Variants in MAD1L1 observed in about 807,000 individuals in gnomAD.
MAD1L1 encodes the protein mitotic spindle assembly checkpoint protein MAD1.
Under a neutral mutation model 96.9 loss-of-function variants are expected in MAD1L1, and 95 were observed. The observed-to-expected ratio is 0.98, with a 90% CI of 0.83 to 1.16. MAD1L1 has a LOEUF of 1.16. Ranked by LOEUF, MAD1L1 falls within the 50% of genes most tolerant of loss-of-function variation. MAD1L1 has a pLI of 0.00. For synonymous variants in MAD1L1, 473 were observed against 396.6 expected, an observed-to-expected ratio of 1.19 and a Z score of -2.29; for missense variants, 1,007 against 954.4, an observed-to-expected ratio of 1.06 and a Z score of -0.73.
At chr7:1,953,678 G>A (rs1036510113) in intron 16 of MAD1L1, among the ~76,000 whole-genome samples, 1 of 152,270 alleles carries the variant, frequency 6.6e-6, no homozygotes, top group Non-Finnish European at 1.5e-5. Context: ...GCCCCGCGGC[G>A]GAACATCCGT....
At chr7:2,217,130 C>A (rs1207746786) in intron 7 of MAD1L1, among the ~76,000 whole-genome samples, 1 of 152,218 alleles carries the variant, frequency 6.6e-6, no homozygotes, top group Admixed American at 6.5e-5. Context: ...CCACTTCTGC[C>A]ACTCTAGCAG....
chr7:1,907,401 C>T (rs1787728657), intron 17 of MAD1L1, among the ~76,000 whole-genome samples: 1 of 152,250 alleles, frequency 6.6e-6, no homozygotes, highest in African/African-American at 2.4e-5. Flanking sequence ...TCTTTCTAAA[C>T]AATGAATCAA....
rs1229754927 is a variant in MAD1L1 at position 1,940,485 on chromosome 7, A to C, written c.1597-3588T>G. 2.0e-5 allele frequency: 3 copies of C among 152,234 alleles called. No individual in the cohort carries two copies. In the East Asian group the frequency reaches 5.8e-4, roughly 29 times the overall value. The allele number at this position is 152,234 out of a possible 1,614,324, so 9.4% of individuals were successfully genotyped here. On this transcript the variant is annotated intron_variant, in intron 16 of 18. Coordinates refer to ENST00000265854, the MANE Select transcript of MAD1L1 (RefSeq NM_001013836.2). Reference sequence around the variant, plus strand: ...TCAGGAGACCCCTCTGACGGGCGGCACTGGCTTTCCGGGGCCTCTGTGGGC... The same window carrying C: ...TCAGGAGACCCCTCTGACGGGCGGCCCTGGCTTTCCGGGGCCTCTGTGGGC...
At chr7:1,857,148 A>G (rs556846369) in intron 18 of MAD1L1, among the ~76,000 whole-genome samples, 1 of 152,200 alleles carries the variant, frequency 6.6e-6, no homozygotes, top group Non-Finnish European at 1.5e-5. Context: ...CACCAACAGC[A>G]GCCAGAGCCA....
chr7:2,054,856 G>C (rs146660525), intron 12 of MAD1L1, among the ~76,000 whole-genome samples: 1 of 152,228 alleles, frequency 6.6e-6, no homozygotes, highest in Non-Finnish European at 1.5e-5. Context: ...CGGCTGGGCC[G>C]TGCCCTCGCA....
intron 18 of MAD1L1, among the ~76,000 whole-genome samples, chr7:1,886,877 G>C (rs1339166433): frequency 6.6e-6 from 1 of 152,266 alleles, no homozygotes; most frequent in Non-Finnish European, 1.5e-5. Flanking sequence ...CAGCTCCCTG[G>C]GGACAGTTGG....
intron 18 of MAD1L1, among the ~76,000 whole-genome samples, chr7:1,843,072 C>CG (rs1455788883): frequency 3.3e-5 from 5 of 152,180 alleles, no homozygotes; most frequent in Non-Finnish European, 5.9e-5. Flanking sequence ...ATCTGGAGGA[C>CG]GGGGGCTAGA....
At chr7:2,033,350 A>G (rs1485785638) in intron 12 of MAD1L1, among the ~76,000 whole-genome samples, 2 of 152,194 alleles carry the variant, frequency 1.3e-5, no homozygotes, top group Non-Finnish European at 2.9e-5. Context: ...AAAGGAAACA[A>G]GATGGATACT....
At chr7:1,859,760 C>T (rs1195814128) in intron 18 of MAD1L1, among the ~76,000 whole-genome samples, 2 of 152,058 alleles carry the variant, frequency 1.3e-5, no homozygotes, top group African/African-American at 4.8e-5. Flanking sequence ...CCTCTGTTCC[C>T]TAGACCTGAC....
At chr7:1,922,063 C>T (rs1788824732) in intron 17 of MAD1L1, among the ~76,000 whole-genome samples, 1 of 152,216 alleles carries the variant, frequency 6.6e-6, no homozygotes, top group South Asian at 2.1e-4. Context: ...CCCTGTCTCT[C>T]CCTGAGGCAG....
chr7:2,070,016 C>G (rs370204563), intron 11 of MAD1L1, among the ~76,000 whole-genome samples: 1 of 151,972 alleles, frequency 6.6e-6, no homozygotes, highest in East Asian at 1.9e-4. Context: ...CACTAGACCC[C>G]TCTGCCACTG....
chr7:2,104,400 A>G (rs535635125), intron 11 of MAD1L1, among the ~76,000 whole-genome samples: 51 of 152,382 alleles, frequency 3.3e-4, no homozygotes, highest in African/African-American at 1.2e-3. Context: ...AGGGGGACGC[A>G]GTCTGGCATG....
At chr7:1,915,534 C>G (rs1331075402) in intron 17 of MAD1L1, among the ~76,000 whole-genome samples, 1 of 152,204 alleles carries the variant, frequency 6.6e-6, no homozygotes, top group Non-Finnish European at 1.5e-5. Flanking sequence ...TGTTCCACGG[C>G]GGGCTGGAGG....
intron 18 of MAD1L1, among the ~76,000 whole-genome samples, chr7:1,852,850 T>C (rs1490928384): frequency 6.6e-6 from 1 of 151,954 alleles, no homozygotes; most frequent in South Asian, 2.1e-4. Context: ...AATGAGACTC[T>C]GAGAGCCGCA....
chr7:2,113,267 A>G (rs1171696740), intron 11 of MAD1L1, among the ~76,000 whole-genome samples: 1 of 152,190 alleles, frequency 6.6e-6, no homozygotes, highest in Non-Finnish European at 1.5e-5. Flanking sequence ...AGATGCTTGA[A>G]CTAGGAGGAG....
intron 18 of MAD1L1, among the ~76,000 whole-genome samples, chr7:1,859,255 G>T (rs569743712): frequency 6.6e-6 from 1 of 152,338 alleles, no homozygotes; most frequent in Non-Finnish European, 1.5e-5. Flanking sequence ...TGGGTGCGCA[G>T]CAGCTGTGAT....
At chr7:1,978,508 C>T (rs1163671711) in intron 15 of MAD1L1, among the ~76,000 whole-genome samples, 1 of 152,198 alleles carries the variant, frequency 6.6e-6, no homozygotes, top group Non-Finnish European at 1.5e-5. Flanking sequence ...GTGCTTTCTC[C>T]AGTCACATTC....
At chr7:1,881,530 G>C (rs572176746) in intron 18 of MAD1L1, among the ~76,000 whole-genome samples, 1 of 152,308 alleles carries the variant, frequency 6.6e-6, no homozygotes, top group East Asian at 1.9e-4. Context: ...CAACAGGTGA[G>C]TAAATAAAAA....
intron 10 of MAD1L1, among the ~76,000 whole-genome samples, chr7:2,158,341 A>T (rs1468137364): frequency 2.0e-5 from 3 of 152,206 alleles, no homozygotes; most frequent in Non-Finnish European, 4.4e-5. Context: ...AGTCTGAAAA[A>T]CTGGAGACCC....
Sources: allele counts gnomAD v4.1 joint callset (sites outside exome capture counted in the v4.1 genomes callset), GRCh38; gene constraint gnomAD v4.1.1; transcripts MANE v1.5; gene names NCBI Gene and HGNC (gene_info 2026-07-23, HGNC 2026-07-21).